KCND2: variants seen among roughly 807,000 people sequenced by gnomAD.
KCND2 encodes the protein potassium voltage-gated channel subfamily D member 2.
KCND2 carries 16 observed loss-of-function variants against 54.4 expected under a neutral mutation model. The ratio of observed to expected loss-of-function variants is 0.29; its 90% CI spans 0.20 to 0.45. The LOEUF is 0.45. Ranked by LOEUF, KCND2 falls within the 20% of genes least tolerant of loss-of-function variation. KCND2 has a pLI of 1.00. For synonymous variants in KCND2, 317 were observed against 310.7 expected (o/e 1.02, Z -0.21); for missense variants, 486 against 824.2 (o/e 0.59, Z 5.02).
At chr7:120,743,491 C>T (rs1023538608) in intron 4 of KCND2, among the ~76,000 whole-genome samples, 2 of 152,074 alleles carry the variant, frequency 1.3e-5, no homozygotes, top group Non-Finnish European at 2.9e-5. Context: ...AAACAAAATC[C>T]CAGACAGGGC....
At chr7:120,354,990 A>G (rs891745044) in intron 1 of KCND2, among the ~76,000 whole-genome samples, 1 of 152,210 alleles carries the variant, frequency 6.6e-6, no homozygotes, top group Non-Finnish European at 1.5e-5. Flanking sequence ...TCAATATGCT[A>G]GTAAATTTAA....
chr7:120,678,174 G>C (rs537357987), intron 1 of KCND2, among the ~76,000 whole-genome samples: 1 of 151,618 alleles, frequency 6.6e-6, no homozygotes, highest in Non-Finnish European at 1.5e-5. Context: ...TAAACTCTGA[G>C]ATGGTTAGGG....
intron 1 of KCND2, among the ~76,000 whole-genome samples, chr7:120,602,407 C>G (rs1024986473): frequency 2.6e-5 from 4 of 152,062 alleles, no homozygotes; most frequent in African/African-American, 9.7e-5. Flanking sequence ...AGGCTTCCTG[C>G]AATCATCTAT....
chr7:120,672,081 C>T (rs576098468), intron 1 of KCND2, among the ~76,000 whole-genome samples: 1 of 152,172 alleles, frequency 6.6e-6, no homozygotes, highest in East Asian at 1.9e-4. Context: ...CTTCTGCTTC[C>T]TCAGGGACCT....
chr7:120,421,770 CT>C (rs1402479995), intron 1 of KCND2, among the ~76,000 whole-genome samples: 2 of 152,216 alleles, frequency 1.3e-5, no homozygotes, highest in Non-Finnish European at 2.9e-5. Flanking sequence ...TTCTCTCAAA[CT>C]TTGAATCGCT....
intron 1 of KCND2, among the ~76,000 whole-genome samples, chr7:120,447,308 G>C (rs1420455927): frequency 6.6e-6 from 1 of 150,486 alleles, no homozygotes; most frequent in Non-Finnish European, 1.5e-5. Context: ...TCTGGCCAAT[G>C]GAATTAGAAG....
At chr7:120,613,531 G>T (rs574765933) in intron 1 of KCND2, among the ~76,000 whole-genome samples, 7 of 151,994 alleles carry the variant, frequency 4.6e-5, no homozygotes, top group Admixed American at 1.3e-4. Context: ...ACTCCATCTT[G>T]GGGGGGAAGA....
chr7:120,397,995 GTATATATATATATATA>G (rs200944488), intron 1 of KCND2, among the ~76,000 whole-genome samples: 10,313 of 93,130 alleles, frequency 0.11, 843 homozygotes, highest in East Asian at 0.47. Flanking sequence ...GTGTGTGTGT[GTATATATATATATATA>G]TATATATATA....
intron 1 of KCND2, among the ~76,000 whole-genome samples, chr7:120,667,147 G>A (rs946016301): frequency 5.3e-5 from 8 of 152,022 alleles, no homozygotes; most frequent in East Asian, 1.9e-4. Context: ...TCTTTTTCCC[G>A]TGGTGGAATA....
At chr7:120,385,465 A>G (rs900650050) in intron 1 of KCND2, among the ~76,000 whole-genome samples, 3 of 152,146 alleles carry the variant, frequency 2.0e-5, no homozygotes, top group African/African-American at 7.2e-5. Context: ...CATCCAAGTC[A>G]TCACCAATCC....
chr7:120,273,330 A>T lies in KCND2; in HGVS notation c.-1303A>T, dbSNP rs867853423. Among the ~76,000 whole-genome samples the T allele has an allele frequency of 2.0e-5, 3 of 150,386 alleles. No homozygotes were observed. Among genetic ancestry groups the T allele is most frequent in the African/African-American group, 7.3e-5 (3 of 41,328 alleles). ...GCCCTCCCGCGCCCCCGCGCTGCCGAGCGCCTTCTGCCTCCGCGCTCGGAC... is the reference window on the plus strand; with the variant it reads ...GCCCTCCCGCGCCCCCGCGCTGCCGTGCGCCTTCTGCCTCCGCGCTCGGAC... On this transcript the variant is annotated 5_prime_UTR_variant, in exon 1 of 6. Transcript: ENST00000331113.
chr7:120,356,866 C>T (rs986000507), intron 1 of KCND2, among the ~76,000 whole-genome samples: 4 of 152,104 alleles, frequency 2.6e-5, no homozygotes, highest in African/African-American at 4.8e-5. Flanking sequence ...GTCTTTCTCT[C>T]TCTTGTCTTA....
At chr7:120,577,234 AAAAAT>A (rs1157321686) in intron 1 of KCND2, among the ~76,000 whole-genome samples, 1 of 152,206 alleles carries the variant, frequency 6.6e-6, no homozygotes, top group African/African-American at 2.4e-5. Flanking sequence ...AGAAGAAAGA[AAAAAT>A]AATAATATTA....
At chr7:120,598,417 T>C (rs116874936) in intron 1 of KCND2, among the ~76,000 whole-genome samples, 1,940 of 152,244 alleles carry the variant, frequency 0.013, 22 homozygotes, top group Middle Eastern at 0.088. Flanking sequence ...TATATAGGAT[T>C]GCTAGATCAT....
At chr7:120,354,348 A>T (rs1410223627) in intron 1 of KCND2, among the ~76,000 whole-genome samples, 1 of 152,218 alleles carries the variant, frequency 6.6e-6, no homozygotes, top group Non-Finnish European at 1.5e-5. Context: ...ACTTGTCAAC[A>T]TTTCAAAAAT....
intron 1 of KCND2, among the ~76,000 whole-genome samples, chr7:120,381,862 AGAAAT>A (rs1800920960): frequency 6.6e-6 from 1 of 152,090 alleles, no homozygotes; most frequent in Admixed American, 6.6e-5. Context: ...CTCAATTTTA[AGAAAT>A]GAAAAGGAGA....
intron 1 of KCND2, among the ~76,000 whole-genome samples, chr7:120,578,465 A>G (rs963057425): frequency 3.3e-5 from 5 of 152,192 alleles, no homozygotes; most frequent in Admixed American, 6.5e-5. Flanking sequence ...TGAGTCTACC[A>G]TTAGCCAATT....
chr7:120,726,464 A>G (rs775856120), intron 1 of KCND2, among the ~76,000 whole-genome samples: 1 of 152,218 alleles, frequency 6.6e-6, no homozygotes, highest in Non-Finnish European at 1.5e-5. Flanking sequence ...CCTAAGGGGT[A>G]GAATTACTAG....
chr7:120,678,777 T>TATATATAC (rs1335291654), intron 1 of KCND2, among the ~76,000 whole-genome samples: 13 of 122,516 alleles, frequency 1.1e-4, no homozygotes, highest in African/African-American at 3.4e-4. Context: ...TATATATATA[T>TATATATAC]ACACATAAAC....
Sources: allele counts gnomAD v4.1 joint callset (sites outside exome capture counted in the v4.1 genomes callset), GRCh38; gene constraint gnomAD v4.1.1; transcripts MANE v1.5; gene names NCBI Gene and HGNC (gene_info 2026-07-23, HGNC 2026-07-21).